VPS13D: variants seen among roughly 807,000 people sequenced by gnomAD.
VPS13D encodes the protein intermembrane lipid transfer protein VPS13D.
Under a neutral mutation model 461.9 loss-of-function variants are expected in VPS13D, and 187 were observed. That is an observed-to-expected ratio of 0.40 (90% confidence interval 0.36 to 0.46). The LOEUF (loss-of-function observed/expected upper bound fraction) is 0.46. Ranked by LOEUF, VPS13D falls within the 20% of genes least tolerant of loss-of-function variation. The pLI, the probability that VPS13D is intolerant of heterozygous loss-of-function variation, is 0.60. For synonymous variants in VPS13D, 1,951 were observed against 1,986.3 expected, an observed-to-expected ratio of 0.98 and a Z score of 0.47; for missense variants, 4,711 against 5,364.9, an observed-to-expected ratio of 0.88 and a Z score of 3.81.
At chr1:12,252,827 C>T (rs763406676) in intron 6 of VPS13D, among the ~76,000 whole-genome samples, 6 of 142,238 alleles carry the variant, frequency 4.2e-5, no homozygotes, top group Non-Finnish European at 7.7e-5. Flanking sequence ...AAAAAACAAA[C>T]AATAAAAAGA....
Position 12,349,386 on chromosome 1 carries a change from C to G in VPS13D, c.9431+12C>G. ...AGCCGATTTTTCAGGTATGTAGCAC[C>G]ACTGCAGTGACATGTCACTTTTGCC... On this transcript the variant is annotated intron_variant, in intron 46 of 69. Transcript: ENST00000620676. 6.2e-7 allele frequency: 1 copy of G among 1,612,910 alleles called. No homozygotes were observed. Among genetic ancestry groups the G allele is most frequent in the African/African-American group, 1.3e-5 (1 of 74,944 alleles).
At chr1:12,262,185 A>C (rs1292245336) in intron 13 of VPS13D, 105 bp downstream of exon 13, 21 of 1,265,006 alleles carry the variant, frequency 1.7e-5, no homozygotes, top group Non-Finnish European at 2.3e-5. Context: ...AGTCAGTGCG[A>C]AAACTGTATT....
intron 65 of VPS13D, among the ~76,000 whole-genome samples, chr1:12,442,511 A>G (rs1187649145): frequency 1.3e-5 from 2 of 151,926 alleles, no homozygotes; most frequent in African/African-American, 4.8e-5. Flanking sequence ...TATACAAGTT[A>G]TTATAATTCT....
intron 67 of VPS13D, among the ~76,000 whole-genome samples, chr1:12,494,682 G>C (rs973033163): frequency 3.3e-5 from 5 of 152,146 alleles, no homozygotes; most frequent in Non-Finnish European, 2.9e-5. Context: ...TCATGTAAGG[G>C]AAAGGCCTGT....
intron 65 of VPS13D, among the ~76,000 whole-genome samples, chr1:12,439,032 TCTC>T (rs1401603711): frequency 1.3e-5 from 2 of 152,082 alleles, no homozygotes; most frequent in Non-Finnish European, 2.9e-5. Flanking sequence ...GTAGTACACT[TCTC>T]CTTGCACCCT....
chr1:12,485,644 G>A (rs1645787699), intron 67 of VPS13D, among the ~76,000 whole-genome samples: 1 of 152,178 alleles, frequency 6.6e-6, no homozygotes, highest in Admixed American at 6.5e-5. Flanking sequence ...AGAACAGATT[G>A]TAATTTTTAA....
At chr1:12,487,409 G>A (rs562394746) in intron 67 of VPS13D, among the ~76,000 whole-genome samples, 1 of 152,188 alleles carries the variant, frequency 6.6e-6, no homozygotes, top group Non-Finnish European at 1.5e-5. Context: ...AGGAGTTCGA[G>A]ACCAGCCTGG....
rs1422546639 is a variant in VPS13D, at chr1:12,261,262, G to A, written c.1414+113G>A. 7.2e-6 allele frequency: 9 copies of A among 1,247,710 alleles called. No homozygotes were observed. The Admixed American group carries it at 8.3e-5, about 12-fold the overall frequency. 77.3% of individuals were successfully genotyped at this position (1,247,710 alleles called of 1,614,324 possible). ...AGTAGATATTTGGAGAACAGTTTAT[G>A]TTCATAGAGGCTGAGAGAAGAAGTA... On this transcript the variant is annotated intron_variant, in intron 12 of 69. Transcript: ENST00000620676.
intron 33 of VPS13D, among the ~76,000 whole-genome samples, chr1:12,322,301 C>T (rs908991757): frequency 3.9e-5 from 6 of 152,126 alleles, no homozygotes; most frequent in African/African-American, 1.2e-4. Context: ...CTCCTCACCT[C>T]GTGATCCGCC....
intron 67 of VPS13D, among the ~76,000 whole-genome samples, chr1:12,461,223 C>T (rs1012013429): frequency 5.9e-5 from 9 of 152,178 alleles, no homozygotes; most frequent in African/African-American, 1.7e-4. Context: ...AATAGATTTT[C>T]CCTGAGTGAA....
chr1:12,396,374 A>C (rs944416194), intron 60 of VPS13D, among the ~76,000 whole-genome samples: 1 of 152,086 alleles, frequency 6.6e-6, no homozygotes, highest in Non-Finnish European at 1.5e-5. Context: ...AGATTGTCGC[A>C]AGTTTTTTAT....
At chr1:12,506,048 T>C (rs755302896) in intron 68 of VPS13D, among the ~76,000 whole-genome samples, 1 of 152,220 alleles carries the variant, frequency 6.6e-6, no homozygotes, top group Non-Finnish European at 1.5e-5. Flanking sequence ...CCTGCCACTG[T>C]CCATCCTTGT....
chr1:12,299,069 G>T lies in VPS13D; in HGVS notation c.6034-133G>T. ...TTACTGACTTCCAGTTTAACTCCAT[G>T]GTGGTCATAGAATATGCTCTGTATG... On this transcript the variant is annotated intron_variant, in intron 24 of 69. Coordinates refer to ENST00000620676, the MANE Select transcript of VPS13D (RefSeq NM_015378.4). This position sits in a 1 kb window ranked among gnomAD's most constrained non-coding sequence, Gnocchi z 4.2. 1 of 726,998 alleles carries T rather than the reference G, an allele frequency of 1.4e-6. No homozygotes were observed. The highest frequency in any genetic ancestry group is 1.8e-5 in the African/African-American group (1 of 55,016). 45.0% of individuals were successfully genotyped at this position (726,998 alleles called of 1,614,324 possible).
intron 64 of VPS13D, among the ~76,000 whole-genome samples, chr1:12,416,010 A>G (rs889750344): frequency 3.0e-4 from 46 of 152,256 alleles, no homozygotes; most frequent in African/African-American, 1.1e-3. Context: ...TTGAGACCCC[A>G]TCTCTACAAA....
chr1:12,277,835 A>G lies in VPS13D; in HGVS notation c.4247A>G (p.Glu1416Gly). The G allele has an allele frequency of 6.2e-7, 1 of 1,614,036 alleles. No individual in the cohort carries two copies. Among genetic ancestry groups the G allele is most frequent in the East Asian group, 2.2e-5 (1 of 44,874 alleles). ...CAGAATTTTGTGGCGGGAGATGATGAATCCAGAAGTGACCGTCTGCAGGTG... is the reference window on the plus strand; with the variant it reads ...CAGAATTTTGTGGCGGGAGATGATGGATCCAGAAGTGACCGTCTGCAGGTG... ...FIQNFVAGDD[E>G]SRSDRLQVEI... The change falls in exon 19 of 70, where the codon GAA becomes GGA. Residue 1416 changes from glutamate to glycine, a missense_variant. Glu to Gly is a moderately conservative substitution (Grantham distance 98). Coordinates refer to ENST00000620676, the MANE Select transcript of VPS13D (RefSeq NM_015378.4).
intron 60 of VPS13D, among the ~76,000 whole-genome samples, chr1:12,396,028 T>TATAG (rs1644493945): frequency 7.3e-6 from 1 of 136,642 alleles, no homozygotes; most frequent in African/African-American, 2.9e-5. Flanking sequence ...TATATATATA[T>TATAG]AGTTCTTTAA....
Position 12,244,224 on chromosome 1 carries a change from AAG to A in VPS13D, c.176-20_176-19del. 6.3e-7 allele frequency: 1 copy of A among 1,593,646 alleles called. No individual in the cohort carries two copies. The highest frequency in any genetic ancestry group is 1.8e-5 in the Admixed American group (1 of 54,594). On this transcript the variant is annotated intron_variant, in intron 3 of 69. Coordinates refer to ENST00000620676, the MANE Select transcript of VPS13D (RefSeq NM_015378.4). ...TTAAAAATGTGTACAGATGGTGAACAAGACTTTCCTTCTCCTTCCAGGCTTCA... is the reference window on the plus strand; with the variant it reads ...TTAAAAATGTGTACAGATGGTGAACAACTTTCCTTCTCCTTCCAGGCTTCA...
At chr1:12,373,893 G>A in intron 55 of VPS13D, 35 bp downstream of exon 55, 1 of 1,540,164 alleles carries the variant, frequency 6.5e-7, no homozygotes, top group Non-Finnish European at 8.9e-7. Flanking sequence ...TAGAATACAA[G>A]GTTTTTAGCA....
At chr1:12,259,921 T>G (rs1641051002) in intron 10 of VPS13D, among the ~76,000 whole-genome samples, 1 of 151,718 alleles carries the variant, frequency 6.6e-6, no homozygotes, top group South Asian at 2.1e-4. Context: ...GGCTGCTTAC[T>G]CCTCATCTGA....
Sources: gnomAD v4.1 joint callset for allele counts (sites outside exome capture counted in the v4.1 genomes callset) on GRCh38, gnomAD v4.1.1 for gene constraint, Gnocchi (gnomAD v3.1) non-coding constraint, MANE v1.5 for transcripts, NCBI Gene and HGNC (gene_info 2026-07-23, HGNC 2026-07-21) for gene names.